POLR3C: variants seen among roughly 807,000 people sequenced by gnomAD.
POLR3C encodes RNA polymerase III subunit C, also known as DNA-directed RNA polymerase III subunit RPC3.
POLR3C carries 44 observed loss-of-function variants against 65.9 expected under a neutral mutation model. The observed-to-expected ratio is 0.67, with a 90% CI of 0.52 to 0.86. POLR3C has a LOEUF of 0.86. POLR3C is among the 40% of genes least tolerant of loss of function. POLR3C has a pLI of 0.00. For missense variants in POLR3C, 576 were observed against 653.2 expected (o/e 0.88, Z 1.29); for synonymous variants, 263 against 231.6 (o/e 1.14, Z -1.23).
chr1:145,837,153 C>G (rs1347457588), intron 9 of POLR3C, among the ~76,000 whole-genome samples: 1 of 152,010 alleles, frequency 6.6e-6, no homozygotes, highest in African/African-American at 2.4e-5. Context: ...ACCAAAAATA[C>G]AAAAACTAGC....
chr1:145,835,665 C>G (rs895638987), intron 7 of POLR3C, among the ~76,000 whole-genome samples: 1 of 151,960 alleles, frequency 6.6e-6, no homozygotes, highest in Admixed American at 6.6e-5. Context: ...ACCTCCGCCT[C>G]CTGGGTTCAA....
At chr1:145,824,882 G>A (rs1650574206) in intron 1 of POLR3C, among the ~76,000 whole-genome samples, 1 of 151,992 alleles carries the variant, frequency 6.6e-6, no homozygotes. Flanking sequence ...TGTGAACAGT[G>A]ACCTTAATTC....
rs1652498988 is a variant in POLR3C, at chr1:145,844,278, A to G, written c.*1858A>G. Among the ~76,000 whole-genome samples, 1 of 152,214 alleles carries G rather than the reference A, an allele frequency of 6.6e-6. No individual in the cohort carries two copies. The highest frequency in any genetic ancestry group is 6.5e-5 in the Admixed American group (1 of 15,282). ...GGAATCAACCTAAGTGCCCATCAAT[A>G]GATGAAAGGCTAAAGAAAATGTATT... On this transcript the variant is annotated 3_prime_UTR_variant, in exon 15 of 15. Coordinates refer to ENST00000334163, the MANE Select transcript of POLR3C (RefSeq NM_006468.8).
chr1:145,838,123 G>T lies in POLR3C; in HGVS notation c.1138G>T (p.Val380Leu), dbSNP rs1652000918. ...GAAGAAACACATAGAGCAGAAGCAA[G>T]TGGAAGACTTTGCAATGATTCCTGC... ...LQKKHIEQKQ[V>L]EDFAMIPAKE... is the part of the protein sequence containing the mutation. The change falls in exon 11 of 15, where the codon GTG (valine) becomes TTG (leucine). Residue 380 changes from valine to leucine, a missense_variant. By Grantham distance (32) the Val-to-Leu change is conservative (BLOSUM62 1). Transcript: ENST00000334163. 1 of 1,613,328 alleles carries T rather than the reference G, an allele frequency of 6.2e-7. No homozygotes were observed. The highest frequency in any genetic ancestry group is 8.5e-7 in the Non-Finnish European group (1 of 1,179,214).
chr1:145,836,639 C>G, intron 8 of POLR3C, 65 bp downstream of exon 8: 1 of 1,049,506 alleles, frequency 9.5e-7, no homozygotes, highest in South Asian at 1.3e-5. Flanking sequence ...TATTTCTGCA[C>G]TGATACCTAG....
rs1553729939 is a variant in POLR3C, at chr1:145,839,931, C to T, written c.1263C>T (p.Phe421=). Residue 421 remains phenylalanine, a synonymous_variant, in exon 12 of 15, where the codon TTC becomes TTT. Coordinates refer to ENST00000334163, the MANE Select transcript of POLR3C (RefSeq NM_006468.8). The part of the protein sequence containing the change: ...KTPDHAPSRT[F]YLYTVNILSA... ...CAGACCATGCCCCATCCAGGACCTT[C>T]TATTTATATACTGTGAACATCCTGT... 1 of 1,612,082 alleles carries T rather than the reference C, an allele frequency of 6.2e-7. No homozygotes were observed.
intron 7 of POLR3C, 125 bp downstream of exon 7, chr1:145,833,707 G>T (rs1651543345): frequency 2.9e-6 from 2 of 688,356 alleles, no homozygotes; most frequent in Non-Finnish European, 5.3e-6. Flanking sequence ...TTGATGTGGA[G>T]CAGGGATTAT....
At chr1:145,841,103 A>G in intron 14 of POLR3C, 32 bp downstream of exon 14, 1 of 1,596,710 alleles carries the variant, frequency 6.3e-7, no homozygotes, top group South Asian at 1.1e-5. Context: ...CCTGCATTTC[A>G]GAATACCATC....
At chr1:145,833,646 A>G in intron 7 of POLR3C, 64 bp downstream of exon 7, 1 of 1,072,036 alleles carries the variant, frequency 9.3e-7, no homozygotes, top group Non-Finnish European at 1.5e-6. Flanking sequence ...CGTTTATTAT[A>G]CACAGATCCT....
In POLR3C at chr1:145,843,087, A is replaced by G. The variant is rs781887721; in HGVS notation, c.*667A>G. Among the ~76,000 whole-genome samples the G allele has an allele frequency of 3.3e-5, 5 of 152,010 alleles. No homozygotes were observed. Among genetic ancestry groups the G allele is most frequent in the Non-Finnish European group, 7.4e-5 (5 of 67,992 alleles). On this transcript the variant is annotated 3_prime_UTR_variant, in exon 15 of 15. Coordinates refer to ENST00000334163, the MANE Select transcript of POLR3C (RefSeq NM_006468.8). ...CACAGTGTAGGGAATGTGAAAGACT[A>G]TCACAGAGTAGAAGAAAAAATTATT...
chr1:145,836,931 G>A, intron 9 of POLR3C, 65 bp downstream of exon 9: 2 of 788,326 alleles, frequency 2.5e-6, no homozygotes, highest in Admixed American at 2.5e-5. Flanking sequence ...TGGTGCCTTA[G>A]GAAAGAAAGA....
rs1553729373 is a variant in POLR3C at position 145,838,224 on chromosome 1, T to A, written c.1221+18T>A. On this transcript the variant is annotated intron_variant, in intron 11 of 14. Transcript: ENST00000334163. ...CACTCCAGGTAACCAACCAAGGGCG[T>A]AATAATTGCCAACCAGCAAAGCTGG... 1.2e-6 allele frequency: 2 copies of A among 1,606,322 alleles called. No homozygotes were observed. The highest frequency in any genetic ancestry group is 1.1e-5 in the South Asian group (1 of 90,778).
At chr1:145,833,441 G>A in intron 6 of POLR3C, 49 bp from the exon 7 acceptor site, 3 of 1,546,176 alleles carry the variant, frequency 1.9e-6, no homozygotes, top group Non-Finnish European at 2.7e-6. Context: ...GGCACATAGA[G>A]CCAGGGGCAG....
chr1:145,842,078 G>A (rs1306504804), intron 14 of POLR3C, among the ~76,000 whole-genome samples: 4 of 152,020 alleles, frequency 2.6e-5, no homozygotes, highest in South Asian at 4.1e-4. Flanking sequence ...GTGCCTTTAC[G>A]TTCGTTTTCC....
chr1:145,837,303 G>C (rs587721907), intron 9 of POLR3C, among the ~76,000 whole-genome samples: 1 of 152,124 alleles, frequency 6.6e-6, no homozygotes, highest in South Asian at 2.1e-4. Context: ...TCTCAAAAAA[G>C]AAAAGGAAAA....
At position 145,842,955 on chromosome 1, in the gene POLR3C, G is replaced by A. The variant is rs1225334064; in HGVS notation, c.*535G>A. On this transcript the variant is annotated 3_prime_UTR_variant, in exon 15 of 15. Transcript: ENST00000334163. The stretch of plus-strand genomic sequence containing the variant: ...AGCCTCTGGAGTAGCTGGGACTACA[G>A]GCATGCACCACACATACCCAGCTAT... 4.6e-5 allele frequency among the ~76,000 whole-genome samples: 7 copies of A among 152,200 alleles called. No individual in the cohort carries two copies. In the South Asian group the frequency reaches 6.2e-4, roughly 14 times the overall value.
rs1027573269 is a variant in POLR3C, at chr1:145,842,797, A to T, written c.*377A>T. Among the ~76,000 whole-genome samples the T allele has an allele frequency of 2.0e-5, 3 of 149,178 alleles. No homozygotes were observed. Among genetic ancestry groups the T allele is most frequent in the Non-Finnish European group, 4.4e-5 (3 of 67,720 alleles). On this transcript the variant is annotated 3_prime_UTR_variant, in exon 15 of 15. Transcript: ENST00000334163. The stretch of plus-strand genomic sequence containing the variant: ...TCTTTATTTTGTTGAGATAGGTGAT[A>T]GATAGATAGATAGATAGATAATTTG...
At chr1:145,825,433 A>C (rs1458235354) in intron 1 of POLR3C, among the ~76,000 whole-genome samples, 1 of 152,154 alleles carries the variant, frequency 6.6e-6, no homozygotes, top group Non-Finnish European at 1.5e-5. Context: ...TTTCTACATG[A>C]ATACGCATCG....
intron 11 of POLR3C, chr1:145,839,682 TATC>T (rs1264980491): frequency 1.4e-5 from 7 of 496,398 alleles, no homozygotes; most frequent in East Asian, 3.4e-5. Context: ...AGTGAGCTGA[TATC>T]ATGCCACCGC....
Sources: gnomAD v4.1 joint callset for allele counts (sites outside exome capture counted in the v4.1 genomes callset) on GRCh38, gnomAD v4.1.1 for gene constraint, MANE v1.5 for transcripts, NCBI Gene and HGNC (gene_info 2026-07-23, HGNC 2026-07-21) for gene names.